Variants in ZNHIT6 observed in about 807,000 individuals in gnomAD.
ZNHIT6 encodes the protein box C/D snoRNA protein 1.
A neutral mutation model predicts 57.2 loss-of-function variants in ZNHIT6; 45 were observed. That is an observed-to-expected ratio of 0.79 (90% CI 0.62 to 1.01). ZNHIT6 has a LOEUF of 1.01. ZNHIT6 is among the 50% of genes least tolerant of loss of function. The probability of loss-of-function intolerance (pLI) is 0.00; values close to 1 mark genes in which losing one functional copy is unlikely to be tolerated. For synonymous variants in ZNHIT6, 188 were observed against 190.0 expected (o/e 0.99, Z 0.09); for missense variants, 528 against 567.3 (o/e 0.93, Z 0.70).
chr1:85,708,345 A>G lies in ZNHIT6; in HGVS notation c.-61T>C. 1.3e-6 allele frequency: 2 copies of G among 1,522,108 alleles called. No homozygotes were observed. Among genetic ancestry groups the G allele is most frequent in the Non-Finnish European group, 1.8e-6 (2 of 1,136,684 alleles). 94.3% of individuals were successfully genotyped at this position (1,522,108 alleles called of 1,614,324 possible). ...CCTTCAATGTGGCTGCTGCACACCA[A>G]TAGGAGGAATTACCGGTCGGAATAC... On this transcript the variant is annotated 5_prime_UTR_variant, in exon 1 of 10. Coordinates refer to ENST00000370574, the MANE Select transcript of ZNHIT6 (RefSeq NM_017953.4).
chr1:85,654,648 C>G (rs961212919), intron 9 of ZNHIT6, among the ~76,000 whole-genome samples: 3 of 152,138 alleles, frequency 2.0e-5, no homozygotes, highest in African/African-American at 7.2e-5. Context: ...AGAAACTCGA[C>G]CTTTCTTCTC....
chr1:85,680,592 C>T lies in ZNHIT6; in HGVS notation c.1088+244G>A, dbSNP rs576521733. 3.9e-5 allele frequency among the ~76,000 whole-genome samples: 6 copies of T among 152,182 alleles called. No homozygotes were observed. The South Asian group carries it at 1.2e-3, about 32-fold the overall frequency. ...CACTATTTAGTTTTCTGGCTTTTTTCCCCCATATTTACAATCATGTTCTCT... is the reference window on the plus strand; with the variant it reads ...CACTATTTAGTTTTCTGGCTTTTTTTCCCCATATTTACAATCATGTTCTCT... On this transcript the variant is annotated intron_variant, in intron 6 of 9. Transcript: ENST00000370574.
At chr1:85,707,464 C>A (rs569285476) in intron 1 of ZNHIT6, among the ~76,000 whole-genome samples, 165 bp downstream of exon 1, 8 of 152,256 alleles carry the variant, frequency 5.3e-5, no homozygotes, top group Admixed American at 2.6e-4. Context: ...ATGTACAACA[C>A]CCTCCACTTC....
At chr1:85,682,895 A>C (rs1661917326) in intron 5 of ZNHIT6, among the ~76,000 whole-genome samples, 1 of 152,180 alleles carries the variant, frequency 6.6e-6, no homozygotes, top group Non-Finnish European at 1.5e-5. Flanking sequence ...CAAGGTGGGC[A>C]AACAGAAGTT....
chr1:85,705,605 C>T (rs1165113809), intron 4 of ZNHIT6, among the ~76,000 whole-genome samples: 1 of 152,170 alleles, frequency 6.6e-6, no homozygotes, highest in African/African-American at 2.4e-5. Flanking sequence ...TTCCTCAAAC[C>T]AGACATCCTT....
intron 5 of ZNHIT6, among the ~76,000 whole-genome samples, chr1:85,699,648 T>C (rs900987929): frequency 2.0e-5 from 3 of 152,138 alleles, no homozygotes; most frequent in Non-Finnish European, 4.4e-5. Flanking sequence ...ATGGAGACAA[T>C]GTAGAGTTTT....
At chr1:85,671,889 A>C (rs1254937810) in intron 8 of ZNHIT6, among the ~76,000 whole-genome samples, 1 of 152,206 alleles carries the variant, frequency 6.6e-6, no homozygotes. Flanking sequence ...GATTTGGTTT[A>C]GGCTTAGGAA....
At chr1:85,685,966 T>A (rs918521553) in intron 5 of ZNHIT6, among the ~76,000 whole-genome samples, 3 of 151,664 alleles carry the variant, frequency 2.0e-5, no homozygotes, top group Non-Finnish European at 4.4e-5. Context: ...TTTTTTTTTT[T>A]TCTTTTTTTT....
intron 5 of ZNHIT6, among the ~76,000 whole-genome samples, chr1:85,699,256 T>G (rs1206515572): frequency 2.6e-5 from 4 of 152,156 alleles, no homozygotes; most frequent in Non-Finnish European, 5.9e-5. Context: ...CATTTTCATA[T>G]GAACAGCTGA....
At chr1:85,656,500 A>G (rs1412540503) in intron 9 of ZNHIT6, among the ~76,000 whole-genome samples, 5 of 152,168 alleles carry the variant, frequency 3.3e-5, no homozygotes, top group African/African-American at 4.8e-5. Flanking sequence ...TGTGCTGTTT[A>G]TTTATACAGA....
At chr1:85,667,351 T>C (rs1232155194) in intron 8 of ZNHIT6, among the ~76,000 whole-genome samples, 1 of 152,210 alleles carries the variant, frequency 6.6e-6, no homozygotes, top group African/African-American at 2.4e-5. Flanking sequence ...TTAACCTTGA[T>C]TTTAAATAAC....
chr1:85,652,457 G>A lies in ZNHIT6; in HGVS notation c.*1601C>T, dbSNP rs943664088. 1 of 152,104 alleles carries A rather than the reference G, an allele frequency of 6.6e-6. No homozygotes were observed. Among genetic ancestry groups the A allele is most frequent in the Admixed American group, 6.6e-5 (1 of 15,258 alleles). 9.4% of individuals were successfully genotyped at this position (152,104 alleles called of 1,614,324 possible). A position where few individuals can be genotyped will look rare whatever the true frequency, so the allele number is the denominator to read the frequency against. The stretch of plus-strand genomic sequence containing the variant: ...TTAGAAGATTCCTGATGTTGCTTTA[G>A]AGATTATAAATATATATGTATGTAT... On this transcript the variant is annotated 3_prime_UTR_variant, in exon 10 of 10. Coordinates refer to ENST00000370574, the MANE Select transcript of ZNHIT6 (RefSeq NM_017953.4).
chr1:85,688,823 G>A (rs77017120), intron 5 of ZNHIT6, among the ~76,000 whole-genome samples: 9,349 of 151,982 alleles, frequency 0.062, 377 homozygotes, highest in African/African-American at 0.11. Flanking sequence ...GGATTACATG[G>A]ACACCATAAA....
At chr1:85,656,398 A>C (rs1405603951) in intron 9 of ZNHIT6, among the ~76,000 whole-genome samples, 1 of 152,202 alleles carries the variant, frequency 6.6e-6, no homozygotes, top group Non-Finnish European at 1.5e-5. Flanking sequence ...TAAGGCTCCC[A>C]GTACGCTAGT....
chr1:85,682,503 C>A (rs970932301), intron 5 of ZNHIT6, among the ~76,000 whole-genome samples: 1 of 152,140 alleles, frequency 6.6e-6, no homozygotes, highest in Non-Finnish European at 1.5e-5. Context: ...ATTTAATACA[C>A]CCTGAATACA....
At chr1:85,684,991 T>C (rs1028156835) in intron 5 of ZNHIT6, among the ~76,000 whole-genome samples, 8 of 152,246 alleles carry the variant, frequency 5.3e-5, no homozygotes, top group African/African-American at 1.7e-4. Context: ...ATAAATAAAA[T>C]ATTTTTCCTT....
chr1:85,684,003 G>A (rs968102323), intron 5 of ZNHIT6, among the ~76,000 whole-genome samples: 1 of 152,128 alleles, frequency 6.6e-6, no homozygotes, highest in Non-Finnish European at 1.5e-5. Context: ...ATCACTGTTT[G>A]AGAACCACAA....
chr1:85,693,467 T>C (rs1275854994), intron 5 of ZNHIT6, among the ~76,000 whole-genome samples: 1 of 152,058 alleles, frequency 6.6e-6, no homozygotes, highest in East Asian at 1.9e-4. Flanking sequence ...ATTAGACAAC[T>C]GAGGAGGGAA....
chr1:85,667,961 A>AAAAAAAAAAAAAAAAAAT, intron 8 of ZNHIT6, among the ~76,000 whole-genome samples: 11 of 18,198 alleles, frequency 6.0e-4, no homozygotes, highest in Non-Finnish European at 6.9e-4. Flanking sequence ...AAAAAAAAAA[A>AAAAAAAAAAAAAAAAAAT]ATATATATAT....
Sources: allele counts gnomAD v4.1 joint callset (sites outside exome capture counted in the v4.1 genomes callset), GRCh38; gene constraint gnomAD v4.1.1; transcripts MANE v1.5; gene names NCBI Gene and HGNC (gene_info 2026-07-23, HGNC 2026-07-21).